Variants in MPPED1 observed in about 807,000 individuals in gnomAD.
MPPED1 encodes metallophosphoesterase domain-containing protein 1.
In MPPED1, 16 loss-of-function variants were observed where a neutral mutation model predicts 36.2. That is an observed-to-expected ratio of 0.44 (90% CI 0.30 to 0.67). The LOEUF is 0.67. MPPED1 is among the 30% of genes least tolerant of loss of function. MPPED1 has a pLI of 0.10. For synonymous variants in MPPED1, 199 were observed against 191.3 expected (o/e 1.04, Z -0.33); for missense variants, 307 against 453.4 (o/e 0.68, Z 2.93).
chr22:43,418,048 A>G, intron 1 of MPPED1: 1 of 456,194 alleles, frequency 2.2e-6, no homozygotes, highest in Non-Finnish European at 4.4e-6. Context: ...TGGACCCAGG[A>G]CAGCACCATA....
chr22:43,424,668 T>C (rs1414787667), intron 1 of MPPED1, among the ~76,000 whole-genome samples: 1 of 135,830 alleles, frequency 7.4e-6, no homozygotes, highest in Non-Finnish European at 1.6e-5. Flanking sequence ...TCCACAGTGC[T>C]GTGGGTTGTT....
chr22:43,444,834 T>G (rs553755398), intron 3 of MPPED1, among the ~76,000 whole-genome samples: 1 of 152,242 alleles, frequency 6.6e-6, no homozygotes, highest in Non-Finnish European at 1.5e-5. Context: ...TTCATTTGGA[T>G]TTTTTGTTTG....
intron 4 of MPPED1, among the ~76,000 whole-genome samples, chr22:43,482,072 C>T (rs554525389): frequency 1.3e-5 from 2 of 152,072 alleles, no homozygotes; most frequent in East Asian, 1.9e-4. Flanking sequence ...CGGAAGGGGG[C>T]GGGAACCAAC....
At chr22:43,490,459 A>G (rs896053292) in intron 4 of MPPED1, among the ~76,000 whole-genome samples, 3 of 152,082 alleles carry the variant, frequency 2.0e-5, no homozygotes, top group Non-Finnish European at 2.9e-5. Context: ...CTGGCGGGAA[A>G]CTGTCACCCC....
At chr22:43,486,859 C>G (rs1931927404) in intron 4 of MPPED1, among the ~76,000 whole-genome samples, 1 of 152,046 alleles carries the variant, frequency 6.6e-6, no homozygotes, top group Admixed American at 6.6e-5. Flanking sequence ...ACGTAAGTCT[C>G]CGGTGCAGGT....
intron 1 of MPPED1, among the ~76,000 whole-genome samples, chr22:43,423,019 T>C (rs1350283294): frequency 6.6e-6 from 1 of 152,086 alleles, no homozygotes; most frequent in Non-Finnish European, 1.5e-5. Context: ...GTGTTTTTAG[T>C]GGAGAGGGGG....
rs1931500706 is a variant in MPPED1 at position 43,475,036 on chromosome 22, T to C, written c.632+75T>C. 4.4e-6 allele frequency: 6 copies of C among 1,369,848 alleles called. No individual in the cohort carries two copies. In the East Asian group the frequency reaches 1.4e-4, roughly 32 times the overall value. The allele number at this position is 1,369,848 out of a possible 1,614,324, so 84.9% of individuals were successfully genotyped here. ...GGCTGAGCGCAGGGGGTGTAGGGGA[T>C]GGGAGTAGCAGCAGGGAGCTCCGGA... On this transcript the variant is annotated intron_variant, in intron 4 of 6. Transcript: ENST00000443721.
intron 3 of MPPED1, among the ~76,000 whole-genome samples, chr22:43,467,281 G>A (rs1397835711): frequency 1.3e-5 from 2 of 152,232 alleles, no homozygotes; most frequent in African/African-American, 2.4e-5. Flanking sequence ...TTGAATGCAT[G>A]ATGCTGGTCG....
Position 43,474,529 on chromosome 22 carries a change from C to T in MPPED1, c.407-207C>T, listed in dbSNP as rs1244735754. Among the ~76,000 whole-genome samples the T allele has an allele frequency of 6.6e-6, 1 of 152,202 alleles. No individual in the cohort carries two copies. The highest frequency in any genetic ancestry group is 1.5e-5 in the Non-Finnish European group (1 of 68,040). On this transcript the variant is annotated intron_variant, in intron 3 of 6. Transcript: ENST00000443721. This position sits in a 1 kb window ranked among gnomAD's most constrained non-coding sequence, Gnocchi z 5.2. Reference sequence around the variant, plus strand: ...ATGCTGTGGCTTCTGGACAAGCTGACAGCTGTGTGCTGTGTGTCTGTCTGT... The same window carrying T: ...ATGCTGTGGCTTCTGGACAAGCTGATAGCTGTGTGCTGTGTGTCTGTCTGT...
At position 43,507,554 on chromosome 22, in the gene MPPED1, T is replaced by A. The variant is rs1305806676; in HGVS notation, c.*1938T>A. 6.6e-6 allele frequency: 1 copy of A among 152,138 alleles called. No individual in the cohort carries two copies. Among genetic ancestry groups the A allele is most frequent in the East Asian group, 1.9e-4 (1 of 5,196 alleles). 9.4% of individuals were successfully genotyped at this position (152,138 alleles called of 1,614,324 possible). On this transcript the variant is annotated 3_prime_UTR_variant, in exon 7 of 7. Transcript: ENST00000443721. ...CCCAGGCGCAGGACATGTGTGCGGG[T>A]GGAGAAAAGCAGGCCCTTTCAGTGC... is the stretch of plus-strand genomic sequence containing the variant.
chr22:43,479,327 C>G (rs1262095834), intron 4 of MPPED1, among the ~76,000 whole-genome samples: 1 of 152,246 alleles, frequency 6.6e-6, no homozygotes, highest in Non-Finnish European at 1.5e-5. Flanking sequence ...AGGCAGGGAG[C>G]AGGGATGAAA....
At chr22:43,432,220 G>GAGAGAGAGACAA (rs71186588) in intron 2 of MPPED1, among the ~76,000 whole-genome samples, 2,267 of 150,992 alleles carry the variant, frequency 0.015, 46 homozygotes, top group African/African-American at 0.031. Context: ...GAGAGAGAGA[G>GAGAGAGAGACAA]ACACAGAGAG....
intron 2 of MPPED1, 22 bp from the exon 3 acceptor site, chr22:43,435,012 G>T (rs752113709): frequency 1.3e-5 from 21 of 1,608,578 alleles, no homozygotes; most frequent in Admixed American, 6.7e-5. Context: ...CTCCTGATCC[G>T]CAGTGTCATC....
At chr22:43,483,875 C>G (rs1028579010) in intron 4 of MPPED1, among the ~76,000 whole-genome samples, 8 of 152,218 alleles carry the variant, frequency 5.3e-5, no homozygotes, top group African/African-American at 1.7e-4. Flanking sequence ...CCACACAGGT[C>G]TGCTGGCCTG....
At chr22:43,419,420 G>A (rs1236395025) in intron 1 of MPPED1, among the ~76,000 whole-genome samples, 2 of 152,116 alleles carry the variant, frequency 1.3e-5, no homozygotes, top group Admixed American at 1.3e-4. Flanking sequence ...GCAGGGGTGG[G>A]GTTGGGTGCA....
chr22:43,483,728 G>A (rs1414455830), intron 4 of MPPED1, among the ~76,000 whole-genome samples: 1 of 152,254 alleles, frequency 6.6e-6, no homozygotes, highest in East Asian at 1.9e-4. Context: ...TGGGCAGGCT[G>A]GATTGGGGTG....
chr22:43,434,904 A>G, intron 2 of MPPED1, 130 bp from the exon 3 acceptor site: 1 of 988,450 alleles, frequency 1.0e-6, no homozygotes, highest in Admixed American at 2.3e-5. Context: ...CTGGGCGTCC[A>G]GTCCCTGGTC....
At chr22:43,475,232 AT>A (rs1349839344) in intron 4 of MPPED1, among the ~76,000 whole-genome samples, 1 of 151,970 alleles carries the variant, frequency 6.6e-6, no homozygotes, top group Non-Finnish European at 1.5e-5. Context: ...TATTATCTCC[AT>A]TTTACAGGTG....
Position 43,485,854 on chromosome 22 carries a change from C to T in MPPED1, c.632+10893C>T, listed in dbSNP as rs115598240. On this transcript the variant is annotated intron_variant, in intron 4 of 6. Transcript: ENST00000443721. ...CTTATCTTGCTGCTGACTTGCCGTA[C>T]GCAGTTGTGTGCCCCGGCCAGGTGT... Among the ~76,000 whole-genome samples the T allele has an allele frequency of 6.9e-3, 1,050 of 152,350 alleles. 8 individuals carry two copies. Among genetic ancestry groups the T allele is most frequent in the African/African-American group, 0.023 (970 of 41,596 alleles).
Sources: allele counts gnomAD v4.1 joint callset (sites outside exome capture counted in the v4.1 genomes callset), GRCh38; gene constraint gnomAD v4.1.1; non-coding constraint Gnocchi (gnomAD v3.1); transcripts MANE v1.5; gene names NCBI Gene and HGNC (gene_info 2026-07-23, HGNC 2026-07-21).